Variants in SLC22A3 observed in about 807,000 individuals in gnomAD.
SLC22A3 encodes the protein EMT organic cation transporter 3.
SLC22A3 carries 51 observed loss-of-function variants against 59.1 expected under a neutral mutation model. The observed-to-expected ratio is 0.86, with a 90% confidence interval of 0.69 to 1.09. The LOEUF is 1.09. SLC22A3 is among the 50% of genes least tolerant of loss of function. SLC22A3 has a pLI of 0.00. For synonymous variants in SLC22A3, 325 were observed against 292.0 expected (o/e 1.11, Z -1.15); for missense variants, 711 against 726.3 (o/e 0.98, Z 0.24).
intron 1 of SLC22A3, among the ~76,000 whole-genome samples, chr6:160,354,970 C>T (rs1236319869): frequency 1.3e-5 from 2 of 152,156 alleles, no homozygotes; most frequent in Non-Finnish European, 2.9e-5. Context: ...GCCGGAGCAA[C>T]CTTCCTCCTG....
intron 9 of SLC22A3, among the ~76,000 whole-genome samples, chr6:160,447,246 G>C (rs1562506023): frequency 6.6e-6 from 1 of 152,172 alleles, no homozygotes; most frequent in Admixed American, 6.5e-5. Context: ...CTACAGTGAG[G>C]AGCCCAAAGA....
At chr6:160,394,595 A>G (rs557890956) in intron 1 of SLC22A3, among the ~76,000 whole-genome samples, 1 of 152,368 alleles carries the variant, frequency 6.6e-6, no homozygotes, top group Non-Finnish European at 1.5e-5. Context: ...TTAGAAACAC[A>G]TAATTTGTTT....
intron 1 of SLC22A3, among the ~76,000 whole-genome samples, chr6:160,349,249 G>A (rs1401706778): frequency 6.6e-6 from 1 of 152,202 alleles, no homozygotes; most frequent in East Asian, 1.9e-4. Context: ...AGTCTCTGGG[G>A]TGAGCGACGT....
Position 160,425,229 on chromosome 6 carries a change from A to G in SLC22A3, c.976-11551A>G, listed in dbSNP as rs554276638. 2.0e-5 allele frequency among the ~76,000 whole-genome samples: 3 copies of G among 152,328 alleles called. No individual in the cohort carries two copies. In the South Asian group the frequency reaches 6.2e-4, roughly 32 times the overall value. ...TTGCAGTGAACATTTTTTCACATTA[A>G]AAACTGAATCACAGAATTCTTATTT... is the stretch of plus-strand genomic sequence containing the variant. On this transcript the variant is annotated intron_variant, in intron 5 of 10. Coordinates refer to ENST00000275300, the MANE Select transcript of SLC22A3 (RefSeq NM_021977.4).
At chr6:160,413,303 A>G (rs765860811) in intron 5 of SLC22A3, among the ~76,000 whole-genome samples, 1 of 152,248 alleles carries the variant, frequency 6.6e-6, no homozygotes, top group Non-Finnish European at 1.5e-5. Flanking sequence ...AAGTAGTTCA[A>G]TGTTCCACAT....
chr6:160,451,334 C>T lies in SLC22A3; in HGVS notation c.*278C>T, dbSNP rs1489134478. 1.2e-5 allele frequency: 5 copies of T among 420,490 alleles called. No homozygotes were observed. Among genetic ancestry groups the T allele is most frequent in the African/African-American group, 4.0e-5 (2 of 49,818 alleles). 26.0% of individuals were successfully genotyped at this position (420,490 alleles called of 1,614,324 possible). On this transcript the variant is annotated 3_prime_UTR_variant, in exon 11 of 11. Transcript: ENST00000275300. ...TTCCTGGGTTTTTTTCTTGTGTTCC[C>T]TGTGGTCTCTGACCCATTAGGCTAA... is the stretch of plus-strand genomic sequence containing the variant.
At chr6:160,430,423 T>C (rs1283731009) in intron 5 of SLC22A3, among the ~76,000 whole-genome samples, 4 of 151,818 alleles carry the variant, frequency 2.6e-5, no homozygotes, top group South Asian at 4.1e-4. Flanking sequence ...CAGATGGTTA[T>C]TTATAATGTC....
Position 160,348,416 on chromosome 6 carries a change from C to A in SLC22A3, c.-4C>A. On this transcript the variant is annotated 5_prime_UTR_variant, in exon 1 of 11. Coordinates refer to ENST00000275300, the MANE Select transcript of SLC22A3 (RefSeq NM_021977.4). ...GGCTGCGGGCGGCGGGCGGCGGGCG[C>A]ACCATGCCCTCCTTCGACGAGGCGC... 6.8e-7 allele frequency: 1 copy of A among 1,475,242 alleles called. No individual in the cohort carries two copies. Among genetic ancestry groups the A allele is most frequent in the Non-Finnish European group, 8.9e-7 (1 of 1,118,426 alleles). The allele number at this position is 1,475,242 out of a possible 1,614,324, so 91.4% of individuals were successfully genotyped here. A position where few individuals can be genotyped will look rare whatever the true frequency, so the allele number is the denominator to read the frequency against.
chr6:160,445,714 A>G (rs1186172158), intron 9 of SLC22A3, among the ~76,000 whole-genome samples: 3 of 152,198 alleles, frequency 2.0e-5, no homozygotes, highest in African/African-American at 7.2e-5. Flanking sequence ...GCAAGATGGG[A>G]TCACTGATGG....
chr6:160,394,856 C>T lies in SLC22A3; in HGVS notation c.430-3123C>T, dbSNP rs542643276. Among the ~76,000 whole-genome samples, 12 of 152,268 alleles carry T rather than the reference C, an allele frequency of 7.9e-5. No homozygotes were observed. The South Asian group carries it at 8.3e-4, about 11-fold the overall frequency. On this transcript the variant is annotated intron_variant, in intron 1 of 10. Coordinates refer to ENST00000275300, the MANE Select transcript of SLC22A3 (RefSeq NM_021977.4). ...CTTTGCCCCCATGTGGCCAGGCACA[C>T]GGGGCACTGGCTGACTCCCACAGCC...
At chr6:160,405,166 A>G (rs1202974576) in intron 2 of SLC22A3, among the ~76,000 whole-genome samples, 1 of 152,154 alleles carries the variant, frequency 6.6e-6, no homozygotes, top group Non-Finnish European at 1.5e-5. Flanking sequence ...TTTGATAAAG[A>G]ACTGTTATCC....
rs1390396551 is a variant in SLC22A3, at chr6:160,415,142, A to G, written c.975+4296A>G. The stretch of plus-strand genomic sequence containing the variant: ...AATTGTACAGCGTAAGCAGAAAAGC[A>G]AAGTGTTATCTTCAAGAGAAGGATT... On this transcript the variant is annotated intron_variant, in intron 5 of 10. Transcript: ENST00000275300. The surrounding 1 kb of genome is among the most constrained non-coding windows in gnomAD (Gnocchi z 4.1). Among the ~76,000 whole-genome samples the G allele has an allele frequency of 6.6e-6, 1 of 152,198 alleles. No individual in the cohort carries two copies. The highest frequency in any genetic ancestry group is 6.5e-5 in the Admixed American group (1 of 15,284).
At chr6:160,427,068 G>T (rs981785294) in intron 5 of SLC22A3, among the ~76,000 whole-genome samples, 1 of 152,142 alleles carries the variant, frequency 6.6e-6, no homozygotes, top group Non-Finnish European at 1.5e-5. Flanking sequence ...TCAAAGGGCA[G>T]TCAGGACTCT....
chr6:160,356,307 C>T (rs755615368), intron 1 of SLC22A3, among the ~76,000 whole-genome samples: 4 of 152,200 alleles, frequency 2.6e-5, no homozygotes, highest in African/African-American at 9.6e-5. Context: ...AAACAGGCCT[C>T]CACTTTACTT....
At chr6:160,380,086 CAA>C (rs1295958768) in intron 1 of SLC22A3, among the ~76,000 whole-genome samples, 2 of 151,930 alleles carry the variant, frequency 1.3e-5, no homozygotes, top group Non-Finnish European at 2.9e-5. Flanking sequence ...AGAATATACT[CAA>C]GTGTATTTAT....
intron 1 of SLC22A3, among the ~76,000 whole-genome samples, chr6:160,351,092 T>C (rs1784644184): frequency 6.6e-6 from 1 of 152,198 alleles, no homozygotes; most frequent in Non-Finnish European, 1.5e-5. Context: ...TTGAAATATA[T>C]TGGAGAGATT....
intron 1 of SLC22A3, among the ~76,000 whole-genome samples, chr6:160,351,749 C>G (rs1784667714): frequency 6.6e-6 from 1 of 152,156 alleles, no homozygotes. Flanking sequence ...CAGAATGCCT[C>G]CATATAGCTA....
intron 1 of SLC22A3, among the ~76,000 whole-genome samples, chr6:160,375,580 G>A (rs1193649136): frequency 6.6e-6 from 1 of 152,156 alleles, no homozygotes; most frequent in Non-Finnish European, 1.5e-5. Context: ...TGCTTATGCA[G>A]AGCAAGTGTG....
intron 1 of SLC22A3, among the ~76,000 whole-genome samples, chr6:160,377,339 G>T (rs1049552620): frequency 6.6e-5 from 10 of 152,028 alleles, no homozygotes; most frequent in Non-Finnish European, 1.3e-4. Context: ...ACGAAAATTA[G>T]CTGGGTGTGG....
Sources: gnomAD v4.1 joint callset for allele counts (sites outside exome capture counted in the v4.1 genomes callset) on GRCh38, gnomAD v4.1.1 for gene constraint, Gnocchi (gnomAD v3.1) non-coding constraint, MANE v1.5 for transcripts, NCBI Gene and HGNC (gene_info 2026-07-23, HGNC 2026-07-21) for gene names.